Variants in AP3B1 observed in about 807,000 individuals in gnomAD.
AP3B1 encodes AP-3 complex subunit beta-1.
In AP3B1, 61 loss-of-function variants were observed where a neutral mutation model predicts 132.5. The ratio of observed to expected loss-of-function variants is 0.46; its 90% CI spans 0.37 to 0.57. The LOEUF is 0.57. Among genes scored for constraint, AP3B1 ranks in the 20% least tolerant of loss-of-function variants. AP3B1 has a pLI of 0.00. For synonymous variants in AP3B1, 388 were observed against 438.3 expected (o/e 0.89, Z 1.43); for missense variants, 1,120 against 1,289.4 (o/e 0.87, Z 2.01).
chr5:78,179,600 G>A (rs971422950), intron 8 of AP3B1, among the ~76,000 whole-genome samples: 1 of 152,004 alleles, frequency 6.6e-6, no homozygotes, highest in Non-Finnish European at 1.5e-5. Context: ...ATAATAAAGC[G>A]CATCCTATAA....
intron 11 of AP3B1, among the ~76,000 whole-genome samples, chr5:78,174,726 C>T (rs1744072689): frequency 1.3e-5 from 2 of 152,236 alleles, no homozygotes; most frequent in Admixed American, 1.3e-4. Context: ...AGAGCTCAAA[C>T]ACCAAGCTGG....
At chr5:78,009,611 C>T (rs1453140789) in intron 26 of AP3B1, among the ~76,000 whole-genome samples, 2 of 152,118 alleles carry the variant, frequency 1.3e-5, no homozygotes, top group Non-Finnish European at 2.9e-5. Context: ...CACTGTTTCA[C>T]TCACAGCACC....
intron 24 of AP3B1, among the ~76,000 whole-genome samples, chr5:78,026,881 T>A (rs1186549965): frequency 6.6e-6 from 1 of 152,208 alleles, no homozygotes; most frequent in Non-Finnish European, 1.5e-5. Flanking sequence ...ATGTTGAACA[T>A]CTTTTTCAAA....
chr5:78,183,168 C>A (rs749421778), intron 7 of AP3B1, among the ~76,000 whole-genome samples: 6 of 152,178 alleles, frequency 3.9e-5, no homozygotes, highest in Admixed American at 2.6e-4. Flanking sequence ...ATCCCACATT[C>A]ACCTATGGTA....
intron 21 of AP3B1, among the ~76,000 whole-genome samples, chr5:78,097,470 C>T (rs1580343171): frequency 2.5e-5 from 3 of 122,404 alleles, no homozygotes; most frequent in East Asian, 5.2e-4. Flanking sequence ...AAGTGAGGAG[C>T]CCCTCTGCCC....
At chr5:78,117,472 G>A (rs895475689) in intron 17 of AP3B1, among the ~76,000 whole-genome samples, 1 of 151,836 alleles carries the variant, frequency 6.6e-6, no homozygotes, top group African/African-American at 2.4e-5. Context: ...ACCACGCCCA[G>A]CTAATTTTTG....
intron 14 of AP3B1, among the ~76,000 whole-genome samples, chr5:78,149,111 G>T (rs756172643): frequency 6.6e-6 from 1 of 152,132 alleles, no homozygotes; most frequent in Non-Finnish European, 1.5e-5. Context: ...CTTGAGGGAA[G>T]CAAAAGGAAA....
chr5:78,216,337 T>TTAAAG, intron 6 of AP3B1, 100 bp from the exon 7 acceptor site: 1 of 1,077,300 alleles, frequency 9.3e-7, no homozygotes, highest in South Asian at 1.3e-5. Flanking sequence ...CCAATCAGTA[T>TTAAAG]TAAAGTATTC....
intron 2 of AP3B1, 56 bp downstream of exon 2, chr5:78,267,464 T>C (rs1748370641): frequency 1.1e-6 from 1 of 901,684 alleles, no homozygotes; most frequent in Admixed American, 1.8e-5. Flanking sequence ...TATATAATAA[T>C]ATGATCACTG....
At chr5:78,047,419 T>C (rs779526861) in intron 22 of AP3B1, among the ~76,000 whole-genome samples, 62 of 152,346 alleles carry the variant, frequency 4.1e-4, no homozygotes, top group Non-Finnish European at 3.5e-4. Context: ...TGGTATCTCA[T>C]TGTGGTTTTG....
chr5:78,214,599 T>C (rs1269467693), intron 7 of AP3B1, among the ~76,000 whole-genome samples: 1 of 152,082 alleles, frequency 6.6e-6, no homozygotes, highest in Non-Finnish European at 1.5e-5. Context: ...TATAACTTTA[T>C]ACAATAGAAA....
chr5:78,290,117 T>C (rs1465013590), intron 1 of AP3B1, among the ~76,000 whole-genome samples: 2 of 152,230 alleles, frequency 1.3e-5, no homozygotes, highest in Admixed American at 1.3e-4. Flanking sequence ...GCAAGTATTA[T>C]CACATCCCGT....
chr5:78,027,622 T>G (rs1747390407), intron 24 of AP3B1, among the ~76,000 whole-genome samples: 1 of 152,166 alleles, frequency 6.6e-6, no homozygotes. Context: ...TGAAGATTAA[T>G]TTGAGGTGCA....
chr5:78,040,098 C>G (rs191983385), intron 22 of AP3B1, among the ~76,000 whole-genome samples: 1 of 152,126 alleles, frequency 6.6e-6, no homozygotes, highest in East Asian at 1.9e-4. Context: ...AAACTGAAGA[C>G]CATGGCCCCC....
rs573268559 is a variant in AP3B1, at chr5:78,274,766, T to A, written c.129-7171A>T. Among the ~76,000 whole-genome samples, 408 of 152,090 alleles carry A rather than the reference T, an allele frequency of 2.7e-3. 4 individuals carry two copies. Among genetic ancestry groups the A allele is most frequent in the African/African-American group, 9.6e-3 (399 of 41,498 alleles). On this transcript the variant is annotated intron_variant, in intron 1 of 26. Coordinates refer to ENST00000255194, the MANE Select transcript of AP3B1 (RefSeq NM_003664.5). ...TGAGGCCCAGTCTCTACAAAAAATA[T>A]TTTTAAAAAATTAGCTGGGCATGAT...
At position 78,222,809 on chromosome 5, in the gene AP3B1, A is replaced by G. The variant is rs1467111487; in HGVS notation, c.603+2733T>C. On this transcript the variant is annotated intron_variant, in intron 6 of 26. Coordinates refer to ENST00000255194, the MANE Select transcript of AP3B1 (RefSeq NM_003664.5). ...CAATTTTGATTTACCATACATTAAA[A>G]AAAAGATTAAAGACAAAAACAACTC... 3.9e-5 allele frequency among the ~76,000 whole-genome samples: 6 copies of G among 152,240 alleles called. No individual in the cohort carries two copies. In the South Asian group the frequency reaches 1.2e-3, roughly 32 times the overall value.
chr5:78,100,871 G>T, intron 21 of AP3B1, 82 bp downstream of exon 21: 1 of 781,484 alleles, frequency 1.3e-6, no homozygotes, highest in Non-Finnish European at 2.1e-6. Flanking sequence ...ATATATTTTG[G>T]GACATGTAAA....
chr5:78,138,711 T>C (rs1753014544), intron 15 of AP3B1, among the ~76,000 whole-genome samples: 1 of 150,758 alleles, frequency 6.6e-6, no homozygotes, highest in Non-Finnish European at 1.5e-5. Flanking sequence ...AAATATCACG[T>C]CTGTAATCCC....
chr5:78,121,941 T>C (rs1752223973), intron 17 of AP3B1: 1 of 152,164 alleles, frequency 6.6e-6, no homozygotes, highest in Non-Finnish European at 1.5e-5. Context: ...GATGCAAAAA[T>C]ACTCAATAAA....
Sources: allele counts gnomAD v4.1 joint callset (sites outside exome capture counted in the v4.1 genomes callset), GRCh38; gene constraint gnomAD v4.1.1; transcripts MANE v1.5; gene names NCBI Gene and HGNC (gene_info 2026-07-23, HGNC 2026-07-21).